Variants in TIMD4 observed in about 807,000 individuals in gnomAD.
The protein encoded by TIMD4 is T cell immunoglobulin and mucin domain containing 4.
A neutral mutation model predicts 41.2 loss-of-function variants in TIMD4; 31 were observed. The ratio of observed to expected loss-of-function variants is 0.75; its 90% CI spans 0.57 to 1.01. The LOEUF (loss-of-function observed/expected upper bound fraction) is 1.01. Among genes scored for constraint, TIMD4 ranks in the 50% least tolerant of loss-of-function variants. The probability of loss-of-function intolerance (pLI) is 0.00; values close to 1 mark genes in which losing one functional copy is unlikely to be tolerated. For synonymous variants in TIMD4, 204 were observed against 177.1 expected (o/e 1.15, Z -1.21); for missense variants, 479 against 472.5 (o/e 1.01, Z -0.13).
chr5:156,933,567 G>GTTTTGTTTTGTT (rs1759483110), intron 5 of TIMD4, among the ~76,000 whole-genome samples: 2 of 149,394 alleles, frequency 1.3e-5, no homozygotes, highest in South Asian at 4.2e-4. Flanking sequence ...GTTTTGTTTT[G>GTTTTGTTTTGTT]TTTTGTTTTG....
chr5:156,934,448 G>GTTTGT (rs374710606), intron 5 of TIMD4, among the ~76,000 whole-genome samples: 2,879 of 151,914 alleles, frequency 0.019, 44 homozygotes, highest in African/African-American at 0.045. Flanking sequence ...TTGTTTGTTT[G>GTTTGT]TTTGTTTTGT....
chr5:156,951,478 A>C, intron 3 of TIMD4, 34 bp downstream of exon 3: 1 of 1,611,442 alleles, frequency 6.2e-7, no homozygotes, highest in Non-Finnish European at 8.5e-7. Context: ...GTGAGACAGC[A>C]CTGTTCTAAG....
intron 5 of TIMD4, among the ~76,000 whole-genome samples, chr5:156,935,279 G>A (rs1299162976): frequency 6.6e-6 from 1 of 151,910 alleles, no homozygotes; most frequent in Non-Finnish European, 1.5e-5. Context: ...AAGGGACTAC[G>A]TATTTTGCTG....
chr5:156,952,332 G>C (rs546667676), intron 2 of TIMD4, among the ~76,000 whole-genome samples: 3 of 149,524 alleles, frequency 2.0e-5, no homozygotes, highest in African/African-American at 7.4e-5. Context: ...TCCATCCCCT[G>C]CCTAAATCTT....
At chr5:156,962,689 GT>G (rs1184763802) in intron 1 of TIMD4, among the ~76,000 whole-genome samples, 1 of 151,974 alleles carries the variant, frequency 6.6e-6, no homozygotes, top group East Asian at 1.9e-4. Context: ...CAAAAACAAC[GT>G]GCAGAAAAGA....
At chr5:156,934,438 T>C (rs532293954) in intron 5 of TIMD4, among the ~76,000 whole-genome samples, 2 of 152,018 alleles carry the variant, frequency 1.3e-5, no homozygotes, top group African/African-American at 4.8e-5. Context: ...GTGGTTTTTT[T>C]TGTTTGTTTG....
chr5:156,961,540 C>T (rs548670859), intron 1 of TIMD4, among the ~76,000 whole-genome samples: 25 of 152,096 alleles, frequency 1.6e-4, no homozygotes, highest in Admixed American at 5.2e-4. Flanking sequence ...CGGTGACTCA[C>T]GCCTATAAGC....
At chr5:156,944,230 G>A (rs930269030) in intron 5 of TIMD4, among the ~76,000 whole-genome samples, 3 of 152,080 alleles carry the variant, frequency 2.0e-5, no homozygotes, top group Admixed American at 1.3e-4. Flanking sequence ...ATCTGTTTGT[G>A]CTTGTACTTG....
chr5:156,930,961 T>G (rs1449810713), intron 5 of TIMD4, among the ~76,000 whole-genome samples: 1 of 152,206 alleles, frequency 6.6e-6, no homozygotes, highest in Non-Finnish European at 1.5e-5. Context: ...AAGATTATCC[T>G]GGGTTATCTG....
At chr5:156,951,396 A>T in intron 3 of TIMD4, 116 bp downstream of exon 3, 1 of 1,299,048 alleles carries the variant, frequency 7.7e-7, no homozygotes, top group Non-Finnish European at 1.1e-6. Context: ...TAGCAGACTA[A>T]TATACGCATG....
At chr5:156,940,565 G>A (rs1043702672) in intron 5 of TIMD4, among the ~76,000 whole-genome samples, 14 of 149,004 alleles carry the variant, frequency 9.4e-5, no homozygotes, top group African/African-American at 2.3e-4. Context: ...CCTCTGCCCC[G>A]CCGCCCCGTC....
chr5:156,943,005 A>G (rs1477592182), intron 5 of TIMD4, among the ~76,000 whole-genome samples: 3 of 152,236 alleles, frequency 2.0e-5, no homozygotes, highest in Non-Finnish European at 2.9e-5. Context: ...GAGATTGTAA[A>G]AGCTTTTGTA....
chr5:156,936,640 G>T (rs766535426), intron 5 of TIMD4, among the ~76,000 whole-genome samples: 5 of 152,058 alleles, frequency 3.3e-5, no homozygotes, highest in Non-Finnish European at 5.9e-5. Context: ...GAATACAATG[G>T]GAAGAGTGGC....
At chr5:156,939,446 T>C (rs1011216245) in intron 5 of TIMD4, among the ~76,000 whole-genome samples, 7 of 152,200 alleles carry the variant, frequency 4.6e-5, no homozygotes, top group East Asian at 3.8e-4. Context: ...CATGAAAGTA[T>C]TGGTATACTG....
At chr5:156,952,023 T>TAA (rs1407358236) in intron 2 of TIMD4, among the ~76,000 whole-genome samples, 1 of 152,052 alleles carries the variant, frequency 6.6e-6, no homozygotes, top group African/African-American at 2.4e-5. Context: ...GGTGCAGTGG[T>TAA]TCACACCTGT....
intron 5 of TIMD4, among the ~76,000 whole-genome samples, chr5:156,931,250 G>T (rs1759440210): frequency 6.6e-6 from 1 of 152,172 alleles, no homozygotes; most frequent in Admixed American, 6.5e-5. Flanking sequence ...TCACAACTCT[G>T]AGATAATAAA....
At chr5:156,948,941 T>C (rs1196679731) in intron 4 of TIMD4, among the ~76,000 whole-genome samples, 2 of 152,230 alleles carry the variant, frequency 1.3e-5, no homozygotes, top group African/African-American at 2.4e-5. Context: ...ACACCTCCCA[T>C]GTGAGTGCTT....
chr5:156,922,220 A>G lies in TIMD4; in HGVS notation c.895-4T>C. ...TTGACATGGGTATTCCATCCATCTG[A>G]TGGGACACAGGCAAGGAGATGGACC... On this transcript the variant is annotated splice_polypyrimidine_tract_variant and splice_region_variant and intron_variant, in intron 6 of 8. Coordinates refer to ENST00000274532, the MANE Select transcript of TIMD4 (RefSeq NM_138379.3). The G allele has an allele frequency of 6.2e-7, 1 of 1,610,478 alleles. No homozygotes were observed. The highest frequency in any genetic ancestry group is 1.1e-5 in the South Asian group (1 of 90,914).
intron 5 of TIMD4, among the ~76,000 whole-genome samples, chr5:156,940,763 C>T (rs1759634316): frequency 6.6e-6 from 1 of 152,164 alleles, no homozygotes; most frequent in Non-Finnish European, 1.5e-5. Flanking sequence ...CCGGCTGCCC[C>T]ATCTGGGAGG....
Sources: allele counts gnomAD v4.1 joint callset (sites outside exome capture counted in the v4.1 genomes callset), GRCh38; gene constraint gnomAD v4.1.1; transcripts MANE v1.5; gene names NCBI Gene and HGNC (gene_info 2026-07-23, HGNC 2026-07-21).